The following VCF1 variants were observed in gnomAD, a reference collection of about 807,000 sequenced individuals.
VCF1 encodes protein VCF1.
At chr17:73,230,909 T>A in the VCF1 span, among the ~76,000 whole-genome samples, 2 of 152,168 alleles carry the variant, frequency 1.3e-5, no homozygotes, top group Non-Finnish European at 2.9e-5. Flanking sequence ...AATATTTAGA[T>A]TTTTTTTCAG....
At chr17:73,208,166 C>G in the VCF1 span, 1 of 1,532,480 alleles carries the variant, frequency 6.5e-7, no homozygotes, top group African/African-American at 1.4e-5. Flanking sequence ...AAATCTGGAC[C>G]GACAGCAAAG....
chr17:73,211,965 A>C, the VCF1 span, among the ~76,000 whole-genome samples: 1 of 152,234 alleles, frequency 6.6e-6, no homozygotes, highest in East Asian at 1.9e-4. Context: ...TCGGAGGTCG[A>C]GGTGGCAGTG....
the VCF1 span, chr17:73,227,231 G>T: frequency 6.3e-7 from 1 of 1,575,548 alleles, no homozygotes; most frequent in African/African-American, 1.4e-5. Context: ...GGGGAAGATG[G>T]TTGTCTTCTT....
the VCF1 span, chr17:73,208,545 T>G: frequency 1.4e-6 from 2 of 1,444,988 alleles, no homozygotes. Flanking sequence ...CACACCAATC[T>G]TTCCAGTTTC....
the VCF1 span, among the ~76,000 whole-genome samples, chr17:73,215,270 G>T: frequency 3.9e-5 from 6 of 152,288 alleles, no homozygotes; most frequent in African/African-American, 1.2e-4. Context: ...AATCTATTTT[G>T]GAATTACCTA....
At chr17:73,231,849 G>A in the VCF1 span, among the ~76,000 whole-genome samples, 2 of 152,016 alleles carry the variant, frequency 1.3e-5, no homozygotes, top group African/African-American at 4.8e-5. Context: ...AGACAGGGGG[G>A]AAAAAAGATG....
the VCF1 span, chr17:73,208,487 T>TACC: frequency 7.5e-6 from 12 of 1,604,474 alleles, no homozygotes; most frequent in Non-Finnish European, 1.0e-5. Flanking sequence ...AAATAAATAC[T>TACC]ACCACATTAT....
At chr17:73,218,836 G>A in the VCF1 span, among the ~76,000 whole-genome samples, 2 of 152,008 alleles carry the variant, frequency 1.3e-5, no homozygotes, top group Non-Finnish European at 2.9e-5. Context: ...TGGCTAACAC[G>A]GTGAAACCCC....
the VCF1 span, chr17:73,232,194 C>A: frequency 2.6e-5 from 42 of 1,609,582 alleles, no homozygotes; most frequent in Non-Finnish European, 3.2e-5. Context: ...GCCACGCCCA[C>A]CCCCTCGGGC....
At chr17:73,208,256 G>A in the VCF1 span, 69 of 1,610,400 alleles carry the variant, frequency 4.3e-5, no homozygotes, top group Admixed American at 2.0e-4. Flanking sequence ...CGCGGAGGGC[G>A]AGTGGGCAGG....
chr17:73,221,734 A>T, the VCF1 span, among the ~76,000 whole-genome samples: 2 of 152,142 alleles, frequency 1.3e-5, no homozygotes, highest in Non-Finnish European at 2.9e-5. Context: ...CACAAAAAAA[A>T]TTTTAAAACT....
the VCF1 span, among the ~76,000 whole-genome samples, chr17:73,225,899 A>ATATATATATATTT: frequency 8.7e-6 from 1 of 114,860 alleles, no homozygotes; most frequent in African/African-American, 3.8e-5. Flanking sequence ...ATATATATAT[A>ATATATATATATTT]TTTTTTTTTT....
the VCF1 span, among the ~76,000 whole-genome samples, chr17:73,220,952 G>A: frequency 7.7e-6 from 1 of 130,578 alleles, no homozygotes; most frequent in African/African-American, 3.0e-5. Context: ...AGTCTGGAGT[G>A]CAGTGGTGCA....
chr17:73,229,221 TAAGA>T, the VCF1 span: 2 of 985,462 alleles, frequency 2.0e-6, no homozygotes, highest in Non-Finnish European at 2.4e-6. Context: ...GGTACCAGAT[TAAGA>T]AAGAGTCCTA....
chr17:73,232,311 C>A, the VCF1 span: 1 of 1,572,924 alleles, frequency 6.4e-7, no homozygotes, highest in Non-Finnish European at 8.7e-7. Context: ...CCCCATGTCG[C>A]TGCCGCCGTG....
At chr17:73,218,572 A>AT in the VCF1 span, among the ~76,000 whole-genome samples, 1 of 152,230 alleles carries the variant, frequency 6.6e-6, no homozygotes, top group Non-Finnish European at 1.5e-5. Context: ...TTAATAACAG[A>AT]TTTTAACATT....
chr17:73,225,861 G>GAA, the VCF1 span, among the ~76,000 whole-genome samples: 186 of 122,050 alleles, frequency 1.5e-3, no homozygotes, highest in African/African-American at 2.8e-3. Context: ...AAGCAAATAG[G>GAA]AAAAAAATAT....
At chr17:73,229,958 C>T in the VCF1 span, among the ~76,000 whole-genome samples, 1 of 145,198 alleles carries the variant, frequency 6.9e-6, no homozygotes. Flanking sequence ...TTCTTTCTTA[C>T]TGTAAAAAAA....
chr17:73,232,266 G>A, the VCF1 span: 9 of 1,607,818 alleles, frequency 5.6e-6, no homozygotes, highest in East Asian at 2.2e-5. Flanking sequence ...AGTCGGACCC[G>A]TACCACCACT....
Sources: gnomAD v4.1 joint callset for allele counts (sites outside exome capture counted in the v4.1 genomes callset) on GRCh38, gnomAD v4.1.1 for gene constraint, MANE v1.5 for transcripts, NCBI Gene and HGNC (gene_info 2026-07-23, HGNC 2026-07-21) for gene names.